ADD1: variants seen among roughly 807,000 people sequenced by gnomAD.
The protein encoded by ADD1 is alpha-adducin.
Under a neutral mutation model 80.5 loss-of-function variants are expected in ADD1, and 24 were observed. The ratio of observed to expected loss-of-function variants is 0.30; its 90% confidence interval spans 0.22 to 0.42. The LOEUF is 0.42. Among genes scored for constraint, ADD1 ranks in the 10% least tolerant of loss-of-function variants. ADD1 has a pLI of 1.00. For missense variants in ADD1, 948 were observed against 1,019.0 expected (o/e 0.93, Z 0.95); for synonymous variants, 373 against 393.8 (o/e 0.95, Z 0.63).
intron 14 of ADD1, among the ~76,000 whole-genome samples, chr4:2,925,053 G>A (rs1202367975): frequency 6.6e-6 from 1 of 152,220 alleles, no homozygotes; most frequent in African/African-American, 2.4e-5. Context: ...TGTGATCACA[G>A]AGCTGTCAGC....
chr4:2,895,330 G>A (rs1735011529), intron 6 of ADD1, among the ~76,000 whole-genome samples: 1 of 152,120 alleles, frequency 6.6e-6, no homozygotes, highest in Non-Finnish European at 1.5e-5. Flanking sequence ...GGGTGTTGAA[G>A]ACTGTGGGGA....
intron 1 of ADD1, among the ~76,000 whole-genome samples, chr4:2,852,178 C>CTTTCTT (rs1560138026): frequency 1.5e-4 from 9 of 58,562 alleles, no homozygotes; most frequent in African/African-American, 6.8e-4. Context: ...TTCTTTCTTT[C>CTTTCTT]TTTCTTTCTT....
intron 3 of ADD1, 110 bp from the exon 4 acceptor site, chr4:2,884,405 A>G (rs991177979): frequency 7.6e-6 from 6 of 792,714 alleles, no homozygotes; most frequent in Admixed American, 5.7e-5. Context: ...TAAGCACTAC[A>G]GCCTCAAACT....
intron 1 of ADD1, among the ~76,000 whole-genome samples, chr4:2,864,344 C>T (rs1205270473): frequency 2.0e-5 from 3 of 152,114 alleles, no homozygotes; most frequent in African/African-American, 4.8e-5. Context: ...ACCCGGGAGG[C>T]GGAGGTTGCA....
intron 6 of ADD1, among the ~76,000 whole-genome samples, chr4:2,897,164 A>C (rs1735385280): frequency 6.6e-6 from 1 of 152,044 alleles, no homozygotes; most frequent in Non-Finnish European, 1.5e-5. Context: ...TTTTAGGTTA[A>C]CTTTTCTCTA....
Position 2,926,739 on chromosome 4 carries a change from T to A in ADD1, c.2047+627T>A. 6.5e-7 allele frequency: 1 copy of A among 1,529,332 alleles called. No homozygotes were observed. 94.7% of individuals were successfully genotyped at this position (1,529,332 alleles called of 1,614,324 possible). On this transcript the variant is annotated intron_variant, in intron 15 of 15. Transcript: ENST00000683351. This position sits in a 1 kb window ranked among gnomAD's most constrained non-coding sequence, Gnocchi z 5.0. Reference sequence around the variant, plus strand: ...GCGCTTTGCCTCATTCTCCTGCTTCTTTGTTGTTTATTAAGTTTTGTTTTC... The same window carrying A: ...GCGCTTTGCCTCATTCTCCTGCTTCATTGTTGTTTATTAAGTTTTGTTTTC...
At chr4:2,917,381 GT>G (rs1739266141) in intron 14 of ADD1, among the ~76,000 whole-genome samples, 1 of 152,044 alleles carries the variant, frequency 6.6e-6, no homozygotes, top group Non-Finnish European at 1.5e-5. Context: ...TGATGGCATT[GT>G]TTTTTTCTTG....
At chr4:2,859,549 C>T (rs1304055018) in intron 1 of ADD1, among the ~76,000 whole-genome samples, 1 of 152,012 alleles carries the variant, frequency 6.6e-6, no homozygotes, top group East Asian at 1.9e-4. Flanking sequence ...AGAGAGATGC[C>T]AAATAAAGTA....
At chr4:2,918,290 G>A (rs1241978656) in intron 14 of ADD1, among the ~76,000 whole-genome samples, 2 of 152,176 alleles carry the variant, frequency 1.3e-5, no homozygotes, top group Non-Finnish European at 2.9e-5. Flanking sequence ...ATTGTGAATG[G>A]GAGTTCACTC....
In ADD1 at chr4:2,899,625, C is replaced by G. The variant is rs900528151; in HGVS notation, c.1161+190C>G. The G allele has an allele frequency of 7.6e-6, 5 of 661,872 alleles. No individual in the cohort carries two copies. The East Asian group carries it at 1.4e-4, about 19-fold the overall frequency. The allele number at this position is 661,872 out of a possible 1,614,324, so 41.0% of individuals were successfully genotyped here. A position where few individuals can be genotyped will look rare whatever the true frequency, so the allele number is the denominator to read the frequency against. On this transcript the variant is annotated intron_variant, in intron 9 of 15. Coordinates refer to ENST00000683351, the MANE Select transcript of ADD1 (RefSeq NM_001354761.2). ...CAATAAAATGTAGAGGTGAAGGATT[C>G]CTGGTATTGTTTTATTTTTTAAAGA...
chr4:2,907,637 G>C (rs1560228651), intron 10 of ADD1, 106 bp from the exon 11 acceptor site: 2 of 956,946 alleles, frequency 2.1e-6, no homozygotes, highest in Non-Finnish European at 3.4e-6. Context: ...AGTCCTCTCT[G>C]TGATGTTCAG....
intron 1 of ADD1, among the ~76,000 whole-genome samples, chr4:2,865,485 G>A (rs1487314615): frequency 6.6e-6 from 1 of 152,206 alleles, no homozygotes; most frequent in Non-Finnish European, 1.5e-5. Flanking sequence ...CTTACCCATT[G>A]TGGTGTTCTC....
intron 2 of ADD1, among the ~76,000 whole-genome samples, chr4:2,881,072 C>CTTTTTTTTTTT (rs752868581): frequency 1.1e-5 from 1 of 89,362 alleles, no homozygotes; most frequent in African/African-American, 4.6e-5. Flanking sequence ...GATGTATTTA[C>CTTTTTTTTTTT]TTTTTTTTTT....
chr4:2,882,023 A>G lies in ADD1; in HGVS notation c.321A>G (p.Pro107=). ...FMTTNVPNVY[P]AAPQGGMAAL... ...CCACGAATGTACCAAATGTCTACCCAGCAGCTCCGCAAGGAGGGATGGCTG... is the reference window on the plus strand; with the variant it reads ...CCACGAATGTACCAAATGTCTACCCGGCAGCTCCGCAAGGAGGGATGGCTG... Residue 107 remains proline, a synonymous_variant, in exon 3 of 16, where the codon CCA becomes CCG. Transcript: ENST00000683351. 1.2e-6 allele frequency: 2 copies of G among 1,612,754 alleles called. No individual in the cohort carries two copies. Among genetic ancestry groups the G allele is most frequent in the Non-Finnish European group, 1.7e-6 (2 of 1,179,692 alleles).
chr4:2,864,650 C>T (rs1320511365), intron 1 of ADD1, among the ~76,000 whole-genome samples: 1 of 152,054 alleles, frequency 6.6e-6, no homozygotes, highest in Non-Finnish European at 1.5e-5. Flanking sequence ...TGGCCCTATG[C>T]TTATAATCAC....
chr4:2,874,727 A>G (rs1730998104), intron 1 of ADD1, among the ~76,000 whole-genome samples: 1 of 152,038 alleles, frequency 6.6e-6, no homozygotes, highest in East Asian at 1.9e-4. Context: ...TCTTCAACTG[A>G]TTCTTTGGTT....
chr4:2,855,339 C>CT (rs1181464129), intron 1 of ADD1, among the ~76,000 whole-genome samples: 2 of 151,858 alleles, frequency 1.3e-5, no homozygotes, highest in Non-Finnish European at 2.9e-5. Context: ...TAAATTTGTA[C>CT]TTTCTTTATC....
At chr4:2,897,281 T>G (rs1735398881) in intron 6 of ADD1, among the ~76,000 whole-genome samples, 1 of 151,970 alleles carries the variant, frequency 6.6e-6, no homozygotes. Context: ...AATGGCATAT[T>G]CTGAGGCCAC....
intron 13 of ADD1, among the ~76,000 whole-genome samples, chr4:2,911,818 A>G (rs973493427): frequency 4.5e-4 from 68 of 152,076 alleles, no homozygotes; most frequent in African/African-American, 1.5e-3. Flanking sequence ...AGGATTAGAG[A>G]TGAAGATGTG....
Sources: gnomAD v4.1 joint callset for allele counts (sites outside exome capture counted in the v4.1 genomes callset) on GRCh38, gnomAD v4.1.1 for gene constraint, Gnocchi (gnomAD v3.1) non-coding constraint, MANE v1.5 for transcripts, NCBI Gene and HGNC (gene_info 2026-07-23, HGNC 2026-07-21) for gene names.